Variants in ACER1 observed in about 807,000 individuals in gnomAD.
ACER1 encodes the protein CTB-180A7.3.
A neutral mutation model predicts 24.9 loss-of-function variants in ACER1; 28 were observed. The observed-to-expected ratio is 1.13, with a 90% CI of 0.83 to 1.54. The LOEUF is 1.54. ACER1 is among the 40% of genes most tolerant of loss of function. The pLI, the probability that ACER1 is intolerant of heterozygous loss-of-function variation, is 0.00. For synonymous variants in ACER1, 132 were observed against 131.4 expected (o/e 1.00, Z -0.03); for missense variants, 352 against 349.3 (o/e 1.01, Z -0.06).
the ACER1 span, among the ~76,000 whole-genome samples, chr19:6,351,149 G>A: frequency 8.4e-4 from 124 of 148,398 alleles, no homozygotes; most frequent in Non-Finnish European, 1.3e-3. Flanking sequence ...GGCGGATCAC[G>A]AGGTCAAGAG....
At chr19:6,353,715 C>T in the ACER1 span, among the ~76,000 whole-genome samples, 4 of 151,720 alleles carry the variant, frequency 2.6e-5, no homozygotes, top group East Asian at 7.7e-4. Flanking sequence ...ATCCCAGCTA[C>T]TTGGGAGGCT....
In ACER1 at chr19:6,309,479, G is replaced by A. The variant is rs535065732; in HGVS notation, c.488+218C>T. Among the ~76,000 whole-genome samples, 8 of 151,502 alleles carry A rather than the reference G, an allele frequency of 5.3e-5. No individual in the cohort carries two copies. The East Asian group carries it at 7.8e-4, about 15-fold the overall frequency. Reference sequence around the variant, plus strand: ...GGAGGTTGCAGTGAGCCAAGATCACGCCCCTGCACTCCAGCCTGGGCAACA... The same window carrying A: ...GGAGGTTGCAGTGAGCCAAGATCACACCCCTGCACTCCAGCCTGGGCAACA... On this transcript the variant is annotated intron_variant, in intron 4 of 5. Coordinates refer to ENST00000301452, the MANE Select transcript of ACER1 (RefSeq NM_133492.3).
upstream of ACER1, among the ~76,000 whole-genome samples, chr19:6,335,886 CT>C (rs936711760): frequency 2.0e-4 from 30 of 148,732 alleles, no homozygotes; most frequent in African/African-American, 6.7e-4. Flanking sequence ...TTTTCTTTTT[CT>C]TTTTTTTCTT....
upstream of ACER1, among the ~76,000 whole-genome samples, chr19:6,337,451 CT>C (rs371861549): frequency 0.021 from 3,064 of 146,300 alleles, 38 homozygotes; most frequent in Non-Finnish European, 0.032. Context: ...ACAAAGTTTC[CT>C]TTTTTTTTCT....
chr19:6,350,631 G>GAGGGAGAGAGGGAGGGAGGC, the ACER1 span, among the ~76,000 whole-genome samples: 268 of 145,984 alleles, frequency 1.8e-3, 1 homozygote, highest in African/African-American at 6.4e-3. Flanking sequence ...GGGAAGGAGG[G>GAGGGAGAGAGGGAGGGAGGC]AGGGAGAGAG....
Position 6,307,209 on chromosome 19 carries a change from G to C in ACER1, c.570C>G (p.Asp190Glu). Residue 190 changes from aspartate (D) to glutamate (E), a missense_variant, in exon 5 of 6, where the codon GAC (aspartate) becomes GAG (glutamate). Asp to Glu is a conservative substitution (Grantham distance 45). Transcript: ENST00000301452. The stretch of plus-strand genomic sequence containing the variant: ...TCTGCCAGAAGCTGCAAAGCAGACG[G>C]TCACTGATCCAGCTGGTCAGAGCAA... ...WAVALTSWIS[D>E]RLLCSFWQRI... 6.2e-7 allele frequency: 1 copy of C among 1,614,138 alleles called. No homozygotes were observed. Among genetic ancestry groups the C allele is most frequent in the Non-Finnish European group, 8.5e-7 (1 of 1,180,044 alleles).
the ACER1 span, among the ~76,000 whole-genome samples, chr19:6,349,078 G>A: frequency 0.059 from 8,850 of 150,502 alleles, 387 homozygotes; most frequent in African/African-American, 0.12. Context: ...GAAGAAGAAG[G>A]AGGAGGAGGA....
At chr19:6,346,342 T>C in the ACER1 span, among the ~76,000 whole-genome samples, 1 of 152,040 alleles carries the variant, frequency 6.6e-6, no homozygotes. Context: ...TTTCATTAAG[T>C]GGCATTATGT....
At chr19:6,358,165 G>C in the ACER1 span, among the ~76,000 whole-genome samples, 1 of 152,156 alleles carries the variant, frequency 6.6e-6, no homozygotes, top group African/African-American at 2.4e-5. Context: ...GCAGAAACTG[G>C]GACAGCAGCT....
At chr19:6,357,235 C>T in the ACER1 span, among the ~76,000 whole-genome samples, 1 of 151,766 alleles carries the variant, frequency 6.6e-6, no homozygotes, top group Non-Finnish European at 1.5e-5. Context: ...TTAGTTGAGA[C>T]GGGGTTTCAC....
chr19:6,331,454 G>GATGGT, intron 1 of ACER1, among the ~76,000 whole-genome samples: 3 of 133,296 alleles, frequency 2.3e-5, no homozygotes, highest in African/African-American at 1.0e-4. Context: ...CAGCCAGCAA[G>GATGGT]CACTCTTCTG....
At chr19:6,309,493 G>A (rs951411798) in intron 4 of ACER1, among the ~76,000 whole-genome samples, 2 of 151,782 alleles carry the variant, frequency 1.3e-5, no homozygotes, top group Admixed American at 1.3e-4. Context: ...CTGCACTCCA[G>A]CCTGGGCAAC....
chr19:6,321,060 A>G (rs1016380473), intron 1 of ACER1, among the ~76,000 whole-genome samples: 7 of 151,940 alleles, frequency 4.6e-5, no homozygotes, highest in Non-Finnish European at 8.8e-5. Context: ...TCACTCTTTT[A>G]AACTATGCAA....
At chr19:6,325,318 T>C (rs1483292215) in intron 1 of ACER1, among the ~76,000 whole-genome samples, 1 of 152,208 alleles carries the variant, frequency 6.6e-6, no homozygotes, top group East Asian at 1.9e-4. Context: ...TGGGCTCCGC[T>C]TCAAGCTGCT....
the ACER1 span, among the ~76,000 whole-genome samples, chr19:6,342,369 GGGCAACATA>G: frequency 6.6e-6 from 1 of 150,732 alleles, no homozygotes; most frequent in African/African-American, 2.4e-5. Context: ...AGACCAGCCT[GGGCAACATA>G]GGCAGACTGT....
At chr19:6,357,558 G>A in the ACER1 span, among the ~76,000 whole-genome samples, 2 of 152,002 alleles carry the variant, frequency 1.3e-5, no homozygotes, top group African/African-American at 4.8e-5. Context: ...GATCATTTGA[G>A]GTCAGGAGTT....
upstream of ACER1, among the ~76,000 whole-genome samples, chr19:6,334,280 G>A (rs2091704234): frequency 6.6e-6 from 1 of 151,928 alleles, no homozygotes; most frequent in South Asian, 2.1e-4. Flanking sequence ...TCCTGACCTC[G>A]TGATCCACCT....
intron 1 of ACER1, among the ~76,000 whole-genome samples, chr19:6,318,471 CAAAATAAATAA>C (rs2091614235): frequency 1.4e-5 from 2 of 148,142 alleles, no homozygotes; most frequent in Admixed American, 6.8e-5. Context: ...TCTGTCCCCC[CAAAATAAATAA>C]AAAATAAAAA....
chr19:6,350,526 G>A, the ACER1 span, among the ~76,000 whole-genome samples: 10 of 150,646 alleles, frequency 6.6e-5, no homozygotes, highest in Admixed American at 5.9e-4. Flanking sequence ...AGCCGAGATC[G>A]TGCCGCTGCA....
Sources: gnomAD v4.1 joint callset for allele counts (sites outside exome capture counted in the v4.1 genomes callset) on GRCh38, gnomAD v4.1.1 for gene constraint, MANE v1.5 for transcripts, NCBI Gene and HGNC (gene_info 2026-07-23, HGNC 2026-07-21) for gene names.